DCDC2: variants seen among roughly 807,000 people sequenced by gnomAD.
The protein encoded by DCDC2 is doublecortin domain containing 2, also known as doublecortin domain-containing protein 2.
Under a neutral mutation model 50.2 loss-of-function variants are expected in DCDC2, and 40 were observed. The ratio of observed to expected loss-of-function variants is 0.80; its 90% CI spans 0.62 to 1.04. The LOEUF (loss-of-function observed/expected upper bound fraction) is 1.04. DCDC2 is among the 50% of genes least tolerant of loss of function. DCDC2 has a pLI of 0.00. For synonymous variants in DCDC2, 234 were observed against 210.6 expected (o/e 1.11, Z -0.96); for missense variants, 570 against 581.9 (o/e 0.98, Z 0.21).
rs1581667318 is a variant in DCDC2, at chr6:24,353,502, A to C, written c.348+67T>G. 7 of 996,698 alleles carry C rather than the reference A, an allele frequency of 7.0e-6. No homozygotes were observed. In the East Asian group the frequency reaches 1.4e-4, roughly 21 times the overall value. 61.7% of individuals were successfully genotyped at this position (996,698 alleles called of 1,614,324 possible). The stretch of plus-strand genomic sequence containing the variant: ...AAAGTAGAATGCCGTCCAAATCTCT[A>C]AGACACACCATAAGAAACAAATGGC... On this transcript the variant is annotated intron_variant, in intron 2 of 9. Transcript: ENST00000378454.
intron 7 of DCDC2, among the ~76,000 whole-genome samples, chr6:24,234,862 T>A (rs115920897): frequency 0.014 from 2,192 of 152,252 alleles, 16 homozygotes; most frequent in Middle Eastern, 0.044. Flanking sequence ...TCAATAAGCT[T>A]ATAAAAATAA....
intron 7 of DCDC2, among the ~76,000 whole-genome samples, chr6:24,261,242 T>C (rs1489528832): frequency 7.0e-6 from 1 of 143,676 alleles, no homozygotes; most frequent in Admixed American, 7.4e-5. Context: ...CTCTGCAGAA[T>C]GTCTCTACCT....
At chr6:24,332,197 T>G (rs1759976762) in intron 2 of DCDC2, among the ~76,000 whole-genome samples, 1 of 152,194 alleles carries the variant, frequency 6.6e-6, no homozygotes, top group Non-Finnish European at 1.5e-5. Context: ...TTTTGCCACT[T>G]CCCATCAAGA....
At chr6:24,371,223 GC>G in the DCDC2 span, among the ~76,000 whole-genome samples, 1 of 149,356 alleles carries the variant, frequency 6.7e-6, no homozygotes, top group Non-Finnish European at 1.5e-5. Context: ...GTTGCAGTGA[GC>G]CGAGATCGCG....
chr6:24,304,671 T>C (rs552431419), intron 2 of DCDC2, among the ~76,000 whole-genome samples: 2 of 152,226 alleles, frequency 1.3e-5, no homozygotes, highest in Non-Finnish European at 2.9e-5. Context: ...TATTATCTTA[T>C]GTACATAGCA....
At chr6:24,369,133 CA>C in the DCDC2 span, among the ~76,000 whole-genome samples, 10,556 of 92,788 alleles carry the variant, frequency 0.11, 372 homozygotes, top group East Asian at 0.37. Context: ...GACTCTGTCT[CA>C]AAAAAAAAAA....
In DCDC2 at chr6:24,357,926, G is replaced by A; in HGVS notation, c.-176C>T. ...TGCGCCTAGGCGTCCACCCAGAGGA[G>A]ACACTAGGAGCTTGCAGGACTCGGA... is the stretch of plus-strand genomic sequence containing the variant. On this transcript the variant is annotated 5_prime_UTR_variant, in exon 1 of 10. Coordinates refer to ENST00000378454, the MANE Select transcript of DCDC2 (RefSeq NM_016356.5). The A allele has an allele frequency of 6.6e-7, 1 of 1,515,450 alleles. No individual in the cohort carries two copies. The highest frequency in any genetic ancestry group is 2.3e-5 in the East Asian group (1 of 43,910). 93.9% of individuals were successfully genotyped at this position (1,515,450 alleles called of 1,614,324 possible). A position where few individuals can be genotyped will look rare whatever the true frequency, so the allele number is the denominator to read the frequency against.
chr6:24,290,736 T>G (rs1420695972), intron 5 of DCDC2, among the ~76,000 whole-genome samples, 196 bp downstream of exon 5: 2 of 152,138 alleles, frequency 1.3e-5, no homozygotes, highest in Non-Finnish European at 2.9e-5. Flanking sequence ...TTCCCAGAAA[T>G]TATATTTTTG....
At chr6:24,239,092 T>C (rs549102797) in intron 7 of DCDC2, among the ~76,000 whole-genome samples, 3 of 152,336 alleles carry the variant, frequency 2.0e-5, no homozygotes, top group Non-Finnish European at 2.9e-5. Context: ...ATTCATATCA[T>C]AACAAGAGTA....
intron 6 of DCDC2, among the ~76,000 whole-genome samples, chr6:24,287,633 G>A (rs554047160): frequency 2.6e-5 from 4 of 152,262 alleles, no homozygotes; most frequent in South Asian, 4.1e-4. Flanking sequence ...CTGCTTCTTC[G>A]CATGCCCACG....
At chr6:24,318,932 C>A (rs1465101015) in intron 2 of DCDC2, among the ~76,000 whole-genome samples, 1 of 152,000 alleles carries the variant, frequency 6.6e-6, no homozygotes, top group Non-Finnish European at 1.5e-5. Flanking sequence ...TGATTTCTTT[C>A]CTCTGGGTAG....
intron 7 of DCDC2, among the ~76,000 whole-genome samples, chr6:24,245,887 A>G (rs1463201277): frequency 6.6e-6 from 1 of 152,270 alleles, no homozygotes. Flanking sequence ...ATTGTCATTG[A>G]AATTAAAAAT....
At chr6:24,220,191 ATTC>A (rs1290034389) in intron 7 of DCDC2, among the ~76,000 whole-genome samples, 2 of 152,258 alleles carry the variant, frequency 1.3e-5, no homozygotes, top group Non-Finnish European at 2.9e-5. Flanking sequence ...CAGTATTTCC[ATTC>A]TTCTAATAAG....
intron 2 of DCDC2, among the ~76,000 whole-genome samples, chr6:24,322,807 T>C (rs1759796490): frequency 6.6e-6 from 1 of 152,186 alleles, no homozygotes; most frequent in Non-Finnish European, 1.5e-5. Flanking sequence ...ATGTATTTGA[T>C]TGATGTCTCA....
chr6:24,199,024 T>A (rs1761515050), intron 8 of DCDC2, among the ~76,000 whole-genome samples: 1 of 152,160 alleles, frequency 6.6e-6, no homozygotes, highest in South Asian at 2.1e-4. Flanking sequence ...GGCTCATAGA[T>A]AAAACTCCCA....
rs1760499989 is a variant in DCDC2 at position 24,357,635 on chromosome 6, T to C, written c.116A>G (p.Lys39Arg). The stretch of plus-strand genomic sequence containing the variant: ...GAAGACTTCGAAGCTGGACACCTTC[T>C]TCTCATGGATGACGACGCGGCGCCC... ...YAGRRVVIHE[K>R]KVSSFEVFLK... The change falls in exon 1 of 10, where the codon AAG becomes AGG. Residue 39 changes from lysine (K) to arginine (R), a missense_variant. Physicochemically the swap from Lys to Arg is conservative, Grantham distance 26. Coordinates refer to ENST00000378454, the MANE Select transcript of DCDC2 (RefSeq NM_016356.5). 6.2e-7 allele frequency: 1 copy of C among 1,613,478 alleles called. No homozygotes were observed. The highest frequency in any genetic ancestry group is 1.6e-4 in the Middle Eastern group (1 of 6,062).
intron 7 of DCDC2, among the ~76,000 whole-genome samples, chr6:24,229,330 G>A (rs892958541): frequency 1.3e-5 from 2 of 152,076 alleles, no homozygotes; most frequent in Non-Finnish European, 2.9e-5. Context: ...GCTCGTGGTC[G>A]AGTCTTTTTT....
intron 7 of DCDC2, among the ~76,000 whole-genome samples, chr6:24,253,135 A>C (rs193052404): frequency 8.5e-5 from 13 of 152,286 alleles, no homozygotes; most frequent in Admixed American, 5.9e-4. Flanking sequence ...AAGATAGAAA[A>C]AGAGTAAGTT....
At chr6:24,193,763 T>C (rs1226075111) in intron 8 of DCDC2, among the ~76,000 whole-genome samples, 2 of 152,104 alleles carry the variant, frequency 1.3e-5, no homozygotes, top group African/African-American at 4.8e-5. Context: ...TGTATGTATG[T>C]GGCCCTATTT....
Sources: gnomAD v4.1 joint callset for allele counts (sites outside exome capture counted in the v4.1 genomes callset) on GRCh38, gnomAD v4.1.1 for gene constraint, MANE v1.5 for transcripts, NCBI Gene and HGNC (gene_info 2026-07-23, HGNC 2026-07-21) for gene names.